The following OSBPL9 variants were observed in gnomAD, a reference collection of about 807,000 sequenced individuals.
OSBPL9 encodes the protein oxysterol binding protein like 9.
OSBPL9 carries 40 observed loss-of-function variants against 106.6 expected under a neutral mutation model. That is an observed-to-expected ratio of 0.38 (90% CI 0.29 to 0.49). The LOEUF (loss-of-function observed/expected upper bound fraction) is 0.49, where lower values mean the gene tolerates loss of function less well. Among genes scored for constraint, OSBPL9 ranks in the 20% least tolerant of loss-of-function variants. OSBPL9 has a pLI of 0.97. For synonymous variants in OSBPL9, 269 were observed against 295.4 expected (o/e 0.91, Z 0.92); for missense variants, 609 against 887.2 (o/e 0.69, Z 3.98).
chr1:51,712,331 C>T (rs1660227768), intron 3 of OSBPL9, among the ~76,000 whole-genome samples: 1 of 152,178 alleles, frequency 6.6e-6, no homozygotes, highest in South Asian at 2.1e-4. Context: ...AGGGAGGTTG[C>T]AGTGAGCCGA....
chr1:51,574,847 G>A (rs550087562), upstream of OSBPL9, among the ~76,000 whole-genome samples: 1 of 152,300 alleles, frequency 6.6e-6, no homozygotes, highest in South Asian at 2.1e-4. Context: ...TAGTAATGAT[G>A]ACAATGAGCA....
intron 1 of OSBPL9, among the ~76,000 whole-genome samples, chr1:51,636,232 T>C (rs1443391777): frequency 6.7e-6 from 1 of 149,338 alleles, no homozygotes; most frequent in Non-Finnish European, 1.5e-5. Context: ...ATGATCATAG[T>C]TCACTGTAGC....
At chr1:51,782,808 C>G (rs1268800388) in intron 17 of OSBPL9, among the ~76,000 whole-genome samples, 165 bp downstream of exon 17, 2 of 152,154 alleles carry the variant, frequency 1.3e-5, no homozygotes, top group Non-Finnish European at 2.9e-5. Context: ...ATATCTTTTC[C>G]TTTTGTAAGC....
intron 2 of OSBPL9, among the ~76,000 whole-genome samples, chr1:51,665,342 C>T (rs544594268): frequency 1.1e-4 from 17 of 152,198 alleles, no homozygotes; most frequent in African/African-American, 3.6e-4. Context: ...CGGGGTTTCT[C>T]CATGTTGGTC....
chr1:51,563,496 A>C, the OSBPL9 span: 1 of 152,388 alleles, frequency 6.6e-6, no homozygotes, highest in South Asian at 2.1e-4. Flanking sequence ...ATGAGGGTAC[A>C]GTCTTATTTG....
chr1:51,781,771 GAGACATC>G (rs557681751), intron 16 of OSBPL9: 153 of 158,896 alleles, frequency 9.6e-4, no homozygotes, highest in Admixed American at 1.7e-3. Flanking sequence ...TAAGGGAAAG[GAGACATC>G]AGAGATGAAT....
chr1:51,670,390 G>A (rs1649594252), intron 3 of OSBPL9, among the ~76,000 whole-genome samples: 1 of 152,168 alleles, frequency 6.6e-6, no homozygotes, highest in Non-Finnish European at 1.5e-5. Context: ...AGAGATGCTA[G>A]GTATGCCAAG....
intron 1 of OSBPL9, 28 bp from the exon 2 acceptor site, chr1:51,651,963 T>C (rs750331770): frequency 1.1e-5 from 17 of 1,578,372 alleles, no homozygotes; most frequent in Admixed American, 1.7e-5. Flanking sequence ...TAATGTTTTA[T>C]TCATTGAATG....
At chr1:51,585,700 C>T (rs888792747) in intron 1 of OSBPL9, among the ~76,000 whole-genome samples, 12 of 151,798 alleles carry the variant, frequency 7.9e-5, no homozygotes, top group East Asian at 5.8e-4. Context: ...TGCTTGAACC[C>T]GGGAAGTGGA....
rs1677010469 is a variant in OSBPL9, at chr1:51,784,015, C to T, written c.1614C>T (p.Asn538=). The change falls in exon 18 of 24, where the codon AAC becomes AAT. Residue 538 remains asparagine, a synonymous_variant. Transcript: ENST00000428468. ...KFLGMSIGVH[N]IGQGCVSCLD... ...TTGGGATGTCAATTGGGGTGCACAA[C>T]ATAGGGCAGGGTAAGTGTGTTGGCA... 1 of 1,609,690 alleles carries T rather than the reference C, an allele frequency of 6.2e-7. No homozygotes were observed. The highest frequency in any genetic ancestry group is 1.3e-5 in the African/African-American group (1 of 74,906).
chr1:51,580,849 G>A (rs1645215964), intron 1 of OSBPL9, among the ~76,000 whole-genome samples: 1 of 125,946 alleles, frequency 7.9e-6, no homozygotes, highest in African/African-American at 2.9e-5. Flanking sequence ...GCTCAGAGAT[G>A]ACCATTGTTA....
chr1:51,576,406 T>C (rs182982973), upstream of OSBPL9, among the ~76,000 whole-genome samples: 130 of 152,356 alleles, frequency 8.5e-4, no homozygotes, highest in Admixed American at 4.0e-3. Context: ...AAAGATGTGT[T>C]ATGTATTAGG....
Position 51,772,664 on chromosome 1 carries a change from C to A in OSBPL9, c.1111C>A (p.His371Asn). The change falls in exon 14 of 24, where the codon CAC (histidine) becomes AAC (asparagine). Residue 371 changes from histidine (H) to asparagine (N), a missense_variant. By Grantham distance (68) the His-to-Asn change is moderately conservative. Coordinates refer to ENST00000428468, the MANE Select transcript of OSBPL9 (RefSeq NM_024586.6). ...DDAEAGSVEE[H>N]KSVIMHLLSQ... is the part of the protein sequence containing the mutation. Reference sequence around the variant, plus strand: ...TGCGGAGGCAGGGTCTGTGGAGGAGCACAAGAGCGTTATCATGCATCTCTT... The same window carrying A: ...TGCGGAGGCAGGGTCTGTGGAGGAGAACAAGAGCGTTATCATGCATCTCTT... The A allele has an allele frequency of 6.2e-7, 1 of 1,614,154 alleles. No individual in the cohort carries two copies. The highest frequency in any genetic ancestry group is 1.1e-5 in the South Asian group (1 of 91,076).
chr1:51,761,824 T>G (rs1355727907), intron 10 of OSBPL9, 43 bp from the exon 11 acceptor site: 1 of 1,417,338 alleles, frequency 7.1e-7, no homozygotes, highest in East Asian at 2.3e-5. Context: ...GAATGTGTGT[T>G]TGGCTGTTTC....
intron 1 of OSBPL9, among the ~76,000 whole-genome samples, chr1:51,631,483 G>T (rs1055391568): frequency 6.6e-6 from 1 of 152,072 alleles, no homozygotes; most frequent in East Asian, 1.9e-4. Flanking sequence ...CGAGGGTACA[G>T]TGAGCTATGA....
chr1:51,605,525 T>A (rs1293146277), intron 2 of OSBPL9, among the ~76,000 whole-genome samples: 1 of 151,240 alleles, frequency 6.6e-6, no homozygotes, highest in African/African-American at 2.4e-5. Flanking sequence ...CATAGAGGAG[T>A]AAAGACATTC....
chr1:51,745,459 TG>T, intron 4 of OSBPL9, 76 bp from the exon 5 acceptor site: 1 of 1,544,432 alleles, frequency 6.5e-7, no homozygotes, highest in Middle Eastern at 1.7e-4. Context: ...TCTTCATGTA[TG>T]AAGGGAAAAG....
chr1:51,651,459 C>T (rs1483697385), intron 1 of OSBPL9, among the ~76,000 whole-genome samples: 3 of 151,896 alleles, frequency 2.0e-5, no homozygotes, highest in Admixed American at 6.6e-5. Flanking sequence ...AAAAATTAGC[C>T]GAGCATGGTG....
chr1:51,782,748 C>A, intron 17 of OSBPL9, 105 bp downstream of exon 17: 1 of 898,708 alleles, frequency 1.1e-6, no homozygotes, highest in Non-Finnish European at 1.7e-6. Flanking sequence ...GTGTGACTAG[C>A]TGTGTGTTTC....
Sources: gnomAD v4.1 joint callset for allele counts (sites outside exome capture counted in the v4.1 genomes callset) on GRCh38, gnomAD v4.1.1 for gene constraint, MANE v1.5 for transcripts, NCBI Gene and HGNC (gene_info 2026-07-23, HGNC 2026-07-21) for gene names.